Variants in CLCN7 observed in about 807,000 individuals in gnomAD.
CLCN7 encodes H(+)/Cl(-) exchange transporter 7.
Under a neutral mutation model 102.1 loss-of-function variants are expected in CLCN7, and 60 were observed. The ratio of observed to expected loss-of-function variants is 0.59; its 90% CI spans 0.48 to 0.73. CLCN7 has a LOEUF of 0.73. Ranked by LOEUF, CLCN7 falls within the 30% of genes least tolerant of loss-of-function variation. The pLI is 0.00. For missense variants in CLCN7, 962 were observed against 1,125.7 expected (o/e 0.85, Z 2.08); for synonymous variants, 560 against 490.5 (o/e 1.14, Z -1.87).
intron 21 of CLCN7, among the ~76,000 whole-genome samples, 194 bp from the exon 22 acceptor site, chr16:1,447,908 C>G (rs533675000): frequency 6.6e-6 from 1 of 152,226 alleles, no homozygotes; most frequent in South Asian, 2.1e-4. Flanking sequence ...ACCCAAGGAT[C>G]GGCGACAGGG....
intron 1 of CLCN7, among the ~76,000 whole-genome samples, chr16:1,473,355 C>T (rs1028834129): frequency 7.1e-6 from 1 of 140,638 alleles, no homozygotes; most frequent in Non-Finnish European, 1.5e-5. Context: ...GGCTGATTTT[C>T]GTGTCCTTCC....
rs1236448316 is a variant in CLCN7 at position 1,451,668 on chromosome 16, TGAA to T, written c.1399_1401del (p.Phe467del). The T allele has an allele frequency of 2.5e-6, 4 of 1,612,642 alleles. No homozygotes were observed. The African/African-American group carries it at 4.0e-5, about 16-fold the overall frequency. On this transcript the variant is annotated inframe_deletion, in exon 16 of 25. Transcript: ENST00000382745. The stretch of plus-strand genomic sequence containing the variant: ...CTCACCACGCTCTTCTCCGGGGTGT[TGAA>T]GAAGGCCGCAGCCATGGAGTTGTAC...
chr16:1,469,643 A>G (rs1309281666), intron 1 of CLCN7, among the ~76,000 whole-genome samples: 1 of 152,192 alleles, frequency 6.6e-6, no homozygotes, highest in Non-Finnish European at 1.5e-5. Context: ...CTGAGATCAC[A>G]CCACTGCCCT....
intron 5 of CLCN7, 49 bp from the exon 6 acceptor site, chr16:1,460,576 G>C (rs762913626): frequency 6.8e-7 from 1 of 1,462,216 alleles, no homozygotes; most frequent in Non-Finnish European, 9.6e-7. Flanking sequence ...TGACCACCCA[G>C]CCCAGACCTC....
rs770278692 is a variant in CLCN7 at position 1,448,461 on chromosome 16, G to A, written c.1907C>T (p.Thr636Ile). 1.2e-6 allele frequency: 2 copies of A among 1,610,918 alleles called. No homozygotes were observed. The highest frequency in any genetic ancestry group is 1.7e-6 in the Non-Finnish European group (2 of 1,179,968). Residue 636 changes from threonine to isoleucine, a missense_variant, in exon 21 of 25, where the codon ACC (threonine) becomes ATC (isoleucine). Transcript: ENST00000382745. The stretch of plus-strand genomic sequence containing the variant: ...GACCTTCTCACGCCGCCTCAGGCAG[G>A]TCACTGGTGTGCTCATCACCTCCCT... ...TAREVMSTPV[T>I]CLRRREKVGV...
chr16:1,474,104 G>C, intron 1 of CLCN7: 1 of 450,784 alleles, frequency 2.2e-6, no homozygotes, highest in South Asian at 1.6e-5. Context: ...AAAATATTAA[G>C]ACAATACACA....
At position 1,465,316 on chromosome 16, in the gene CLCN7, C is replaced by T. The variant is rs761968103; in HGVS notation, c.164G>A (p.Arg55Gln). ...ARQSPRSALF[R>Q]VGHMSSVELD... ...CTCCACGCTGCTCATATGTCCGACT[C>T]GGAAAAGCGCAGAACGTGGTGACTA... Residue 55 changes from arginine (R) to glutamine (Q), a missense_variant, in exon 2 of 25, where the codon CGA becomes CAA. By Grantham distance (43) the Arg-to-Gln change is conservative. Around this residue, in one of 2 missense-constraint regions of CLCN7, gnomAD observed 163 missense variants for 137.7 expected, o/e 1.18. Transcript: ENST00000382745. 2.7e-5 allele frequency: 44 copies of T among 1,613,650 alleles called. No homozygotes were observed. The highest frequency in any genetic ancestry group is 6.7e-5 in the African/African-American group (5 of 74,924).
Position 1,460,487 on chromosome 16 carries a change from G to A in CLCN7, c.525C>T (p.Ser175=), listed in dbSNP as rs759577594. 1 of 1,613,812 alleles carries A rather than the reference G, an allele frequency of 6.2e-7. No individual in the cohort carries two copies. ...CGTTCAGCGTGGCCCACAGCAACAGGGAGAAGGACAGTCCGCCCTTCTCTG... is the reference window on the plus strand; with the variant it reads ...CGTTCAGCGTGGCCCACAGCAACAGAGAGAAGGACAGTCCGCCCTTCTCTG... ...KFTEKGGLSF[S]LLLWATLNAA... Residue 175 remains serine, a synonymous_variant, in exon 6 of 25, where the codon TCC becomes TCT. Transcript: ENST00000382745.
At chr16:1,466,091 G>A (rs1434710498) in intron 1 of CLCN7, among the ~76,000 whole-genome samples, 1 of 152,260 alleles carries the variant, frequency 6.6e-6, no homozygotes, top group Non-Finnish European at 1.5e-5. Flanking sequence ...GCAACATCTG[G>A]GGACATGAAG....
At chr16:1,454,214 G>T (rs12934261) in intron 13 of CLCN7, among the ~76,000 whole-genome samples, 197 bp downstream of exon 13, 19 of 152,326 alleles carry the variant, frequency 1.2e-4, no homozygotes, top group African/African-American at 4.6e-4. Context: ...GATAAACAAC[G>T]GGAAGCCACA....
rs771800053 is a variant in CLCN7 at position 1,446,465 on chromosome 16, G to A, written c.*166C>T. 1.9e-5 allele frequency: 14 copies of A among 721,360 alleles called. No individual in the cohort carries two copies. Among genetic ancestry groups the A allele is most frequent in the South Asian group, 7.4e-5 (5 of 67,970 alleles). The allele number at this position is 721,360 out of a possible 1,614,324, so 44.7% of individuals were successfully genotyped here. On this transcript the variant is annotated 3_prime_UTR_variant, in exon 25 of 25. Transcript: ENST00000382745. ...CACTGCCCACAACAGGGTCAGTCCC[G>A]CGAGAGGGTCAGTTCCGCGCCTGCC...
intron 7 of CLCN7, among the ~76,000 whole-genome samples, chr16:1,458,219 C>G (rs764302103): frequency 6.6e-6 from 1 of 152,210 alleles, no homozygotes; most frequent in Non-Finnish European, 1.5e-5. Context: ...GGGGCCTCAT[C>G]CTCTCCACCT....
chr16:1,449,635 C>A, intron 17 of CLCN7: 2 of 452,616 alleles, frequency 4.4e-6, no homozygotes, highest in South Asian at 2.2e-5. Flanking sequence ...AGGAGTGAAA[C>A]CCCGGCACAC....
chr16:1,465,364 G>A (rs2038990888), intron 1 of CLCN7, 26 bp from the exon 2 acceptor site: 2 of 1,600,586 alleles, frequency 1.2e-6, no homozygotes, highest in Non-Finnish European at 1.7e-6. Flanking sequence ...AAATCATGAG[G>A]GCGCTCAGGC....
At chr16:1,470,557 C>A (rs1421868326) in intron 1 of CLCN7, among the ~76,000 whole-genome samples, 1 of 152,202 alleles carries the variant, frequency 6.6e-6, no homozygotes, top group Non-Finnish European at 1.5e-5. Context: ...CATGCAGTGT[C>A]CCCATGGCGT....
In CLCN7 at chr16:1,457,642, C is replaced by G; in HGVS notation, c.738+52G>C. ...ACACACATGGGCGTGGCGGCCCTCG[C>G]GGGCCCGGCGGCCTCAGGCTCCAGC... On this transcript the variant is annotated intron_variant, in intron 8 of 24. Coordinates refer to ENST00000382745, the MANE Select transcript of CLCN7 (RefSeq NM_001287.6). The surrounding 1 kb of genome is among the most constrained non-coding windows in gnomAD (Gnocchi z 5.4). The G allele has an allele frequency of 6.3e-7, 1 of 1,583,836 alleles. No individual in the cohort carries two copies. The highest frequency in any genetic ancestry group is 1.1e-5 in the South Asian group (1 of 90,460).
chr16:1,459,270 T>C lies in CLCN7; in HGVS notation c.595-83A>G, dbSNP rs1265875971. ...CCTCAGCCCCAGGAGCCCCAGGAGC[T>C]GAGGAGAGCAGCAGACACGTCGGGG... On this transcript the variant is annotated intron_variant, in intron 6 of 24. Transcript: ENST00000382745. 36 of 747,140 alleles carry C rather than the reference T, an allele frequency of 4.8e-5. 1 individual carries two copies. The highest frequency in any genetic ancestry group is 3.4e-4 in the African/African-American group (16 of 46,418). The allele number at this position is 747,140 out of a possible 1,614,324, so 46.3% of individuals were successfully genotyped here.
chr16:1,457,831 C>T lies in CLCN7; in HGVS notation c.676-75G>A, dbSNP rs1251622622. On this transcript the variant is annotated intron_variant, in intron 7 of 24. Transcript: ENST00000382745. The surrounding 1 kb of genome is among the most constrained non-coding windows in gnomAD (Gnocchi z 5.4). Reference sequence around the variant, plus strand: ...TTTGGACCTGAGCCGTAAAACAGCACACACAGCCCCGATCAGGCAGAGTGG... The same window carrying T: ...TTTGGACCTGAGCCGTAAAACAGCATACACAGCCCCGATCAGGCAGAGTGG... 2 of 1,427,598 alleles carry T rather than the reference C, an allele frequency of 1.4e-6. No individual in the cohort carries two copies. The highest frequency in any genetic ancestry group is 2.0e-6 in the Non-Finnish European group (2 of 1,013,848). 88.4% of individuals were successfully genotyped at this position (1,427,598 alleles called of 1,614,324 possible). A position where few individuals can be genotyped will look rare whatever the true frequency, so the allele number is the denominator to read the frequency against.
intron 16 of CLCN7, 21 bp from the exon 17 acceptor site, chr16:1,450,687 A>G: frequency 6.5e-7 from 1 of 1,543,734 alleles, no homozygotes; most frequent in South Asian, 1.1e-5. Flanking sequence ...AGAGGGGCTG[A>G]CGGGGCCTCC....
Sources: allele counts gnomAD v4.1 joint callset (sites outside exome capture counted in the v4.1 genomes callset), GRCh38; gene constraint gnomAD v4.1.1; regional missense constraint gnomAD v4.1.1; non-coding constraint Gnocchi (gnomAD v3.1); transcripts MANE v1.5; gene names NCBI Gene and HGNC (gene_info 2026-07-23, HGNC 2026-07-21).